Variants in DRG2 observed in about 807,000 individuals in gnomAD.
The protein encoded by DRG2 is developmentally regulated GTP binding protein 2.
Under a neutral mutation model 53.4 loss-of-function variants are expected in DRG2, and 36 were observed. That is an observed-to-expected ratio of 0.67 (90% CI 0.52 to 0.89). The LOEUF (loss-of-function observed/expected upper bound fraction) is 0.89. DRG2 is among the 40% of genes least tolerant of loss of function. DRG2 has a pLI of 0.00. For synonymous variants in DRG2, 167 were observed against 192.1 expected (o/e 0.87, Z 1.08); for missense variants, 342 against 481.2 (o/e 0.71, Z 2.71).
At position 18,093,935 on chromosome 17, in the gene DRG2, G is replaced by T; in HGVS notation, c.187G>T (p.Ala63Ser). Residue 63 changes from alanine (A) to serine (S), a missense_variant, in exon 2 of 13, where the codon GCC (alanine) becomes TCC (serine). Physicochemically the swap from Ala to Ser is moderately conservative, Grantham distance 99. Transcript: ENST00000225729. Reference sequence around the variant, plus strand: ...CTTTGATGTCATGAAGTCGGGTGATGCCCGTGTGGCGCTGATTGGATTTCC... The same window carrying T: ...CTTTGATGTCATGAAGTCGGGTGATTCCCGTGTGGCGCTGATTGGATTTCC... The part of the protein sequence containing the change: ...EGFDVMKSGD[A>S]RVALIGFPSV... 11 of 1,614,218 alleles carry T rather than the reference G, an allele frequency of 6.8e-6. No homozygotes were observed. Among genetic ancestry groups the T allele is most frequent in the Non-Finnish European group, 9.3e-6 (11 of 1,180,050 alleles).
At position 18,100,790 on chromosome 17, in the gene DRG2, C is replaced by A; in HGVS notation, c.631+131C>A. On this transcript the variant is annotated intron_variant, in intron 7 of 12. Coordinates refer to ENST00000225729, the MANE Select transcript of DRG2 (RefSeq NM_001388.5). The surrounding 1 kb of genome is among the most constrained non-coding windows in gnomAD (Gnocchi z 4.1). ...ACCCCCACTGCCCCTGCTGTCCATT[C>A]AAGTAGCCTCTGGGCAAGCTCCAGA... The A allele has an allele frequency of 2.3e-6, 2 of 869,386 alleles. No individual in the cohort carries two copies. The highest frequency in any genetic ancestry group is 1.8e-6 in the Non-Finnish European group (1 of 550,526). The allele number at this position is 869,386 out of a possible 1,614,324, so 53.9% of individuals were successfully genotyped here.
At chr17:18,088,182 G>C (rs1027807505) in intron 1 of DRG2, 95 bp downstream of exon 1, 5 of 1,416,118 alleles carry the variant, frequency 3.5e-6, no homozygotes, top group Non-Finnish European at 4.7e-6. Flanking sequence ...GCTGGGGCAA[G>C]ATCCGAGGCC....
At position 18,098,598 on chromosome 17, in the gene DRG2, G is replaced by A. The variant is rs1245510949; in HGVS notation, c.315+239G>A. 8.2e-6 allele frequency: 4 copies of A among 489,732 alleles called. No homozygotes were observed. The highest frequency in any genetic ancestry group is 3.4e-5 in the Admixed American group (1 of 29,658). The allele number at this position is 489,732 out of a possible 1,614,324, so 30.3% of individuals were successfully genotyped here. On this transcript the variant is annotated intron_variant, in intron 3 of 12. Coordinates refer to ENST00000225729, the MANE Select transcript of DRG2 (RefSeq NM_001388.5). The surrounding 1 kb of genome is among the most constrained non-coding windows in gnomAD (Gnocchi z 4.1). ...CCAGCATGTGGCTACTTTGCCTGGC[G>A]CCCCCTGTGCTCTCCTCCCCAACAC... is the stretch of plus-strand genomic sequence containing the variant.
At chr17:18,104,928 C>T (rs2045601890) in intron 11 of DRG2, among the ~76,000 whole-genome samples, 1 of 152,186 alleles carries the variant, frequency 6.6e-6, no homozygotes, top group Non-Finnish European at 1.5e-5. Context: ...CAGGAGGACA[C>T]GTTGAATGAG....
intron 1 of DRG2, among the ~76,000 whole-genome samples, 199 bp from the exon 2 acceptor site, chr17:18,093,614 G>A (rs934606088): frequency 3.9e-5 from 6 of 152,138 alleles, no homozygotes; most frequent in East Asian, 3.9e-4. Flanking sequence ...CACTGCGCCC[G>A]GTCTAAGAGA....
At chr17:18,089,963 T>C (rs1054450767) in intron 1 of DRG2, among the ~76,000 whole-genome samples, 1 of 152,090 alleles carries the variant, frequency 6.6e-6, no homozygotes, top group Non-Finnish European at 1.5e-5. Context: ...GGAGGGGCTA[T>C]TCTGACTTCT....
Position 18,100,754 on chromosome 17 carries a change from G to A in DRG2, c.631+95G>A. Reference sequence around the variant, plus strand: ...GACAGGAGGCCTCATGGAGCAGGGTGGCAGCAGGTCACCCCCACTGCCCCT... The same window carrying A: ...GACAGGAGGCCTCATGGAGCAGGGTAGCAGCAGGTCACCCCCACTGCCCCT... On this transcript the variant is annotated intron_variant, in intron 7 of 12. Transcript: ENST00000225729. The surrounding 1 kb of genome is among the most constrained non-coding windows in gnomAD (Gnocchi z 4.1). The A allele has an allele frequency of 1.6e-6, 2 of 1,274,544 alleles. No homozygotes were observed. The highest frequency in any genetic ancestry group is 1.1e-6 in the Non-Finnish European group (1 of 905,950). The allele number at this position is 1,274,544 out of a possible 1,614,324, so 79.0% of individuals were successfully genotyped here. A position where few individuals can be genotyped will look rare whatever the true frequency, so the allele number is the denominator to read the frequency against.
chr17:18,101,887 TC>T (rs1295828059), intron 8 of DRG2, 33 bp from the exon 9 acceptor site: 1 of 1,594,212 alleles, frequency 6.3e-7, no homozygotes, highest in Non-Finnish European at 8.6e-7. Context: ...CTTGCTCCTG[TC>T]CTCAGCACCG....
In DRG2 at chr17:18,098,872, CAAGGCTCAGACTTGGCCACA is replaced by C; in HGVS notation, c.316-144_316-125del. The C allele has an allele frequency of 1.2e-6, 1 of 850,452 alleles. No homozygotes were observed. Among genetic ancestry groups the C allele is most frequent in the Non-Finnish European group, 1.8e-6 (1 of 547,340 alleles). The allele number at this position is 850,452 out of a possible 1,614,324, so 52.7% of individuals were successfully genotyped here. ...GGTCTGCACTGGGCTGGGGTGGTGA[CAAGGCTCAGACTTGGCCACA>C]GGTTGGCATCTGGGTTTCCCTCAGC... On this transcript the variant is annotated intron_variant, in intron 3 of 12. Coordinates refer to ENST00000225729, the MANE Select transcript of DRG2 (RefSeq NM_001388.5). This position sits in a 1 kb window ranked among gnomAD's most constrained non-coding sequence, Gnocchi z 4.1.
At chr17:18,101,381 C>T in intron 7 of DRG2, 112 bp from the exon 8 acceptor site, 1 of 943,458 alleles carries the variant, frequency 1.1e-6, no homozygotes, top group Non-Finnish European at 1.6e-6. Context: ...CAAGCAGATA[C>T]CGCCACGGTC....
In DRG2 at chr17:18,100,622, C is replaced by T. The variant is rs768976852; in HGVS notation, c.594C>T (p.Cys198=). The T allele has an allele frequency of 5.6e-6, 9 of 1,614,188 alleles. No individual in the cohort carries two copies. The Admixed American group carries it at 1.0e-4, about 18-fold the overall frequency. Residue 198 remains cysteine, a synonymous_variant, in exon 7 of 13, where the codon TGC becomes TGT. Transcript: ENST00000225729. The surrounding 1 kb of genome is among the most constrained non-coding windows in gnomAD (Gnocchi z 4.1). The stretch of plus-strand genomic sequence containing the variant: ...ACTCGACAGTCACGCTGACCCAGTG[C>T]TCGGAAAAGCTGGTGCAGCTCATCC... ...SFNSTVTLTQ[C]SEKLVQLILH...
At chr17:18,092,879 G>A (rs1368418391) in intron 1 of DRG2, among the ~76,000 whole-genome samples, 2 of 152,166 alleles carry the variant, frequency 1.3e-5, no homozygotes, top group Admixed American at 6.5e-5. Flanking sequence ...CCATGGCAGC[G>A]TGGGATCCCA....
chr17:18,093,454 G>T (rs1030877071), intron 1 of DRG2, among the ~76,000 whole-genome samples: 2 of 152,056 alleles, frequency 1.3e-5, no homozygotes, highest in Non-Finnish European at 2.9e-5. Context: ...AAATAGTTGG[G>T]ATTACAGGCA....
intron 2 of DRG2, chr17:18,094,247 C>A: frequency 2.7e-6 from 1 of 370,702 alleles, no homozygotes; most frequent in Non-Finnish European, 5.0e-6. Context: ...ATGTGCTGGG[C>A]ACTGTGCCAG....
intron 1 of DRG2, among the ~76,000 whole-genome samples, chr17:18,091,362 G>T (rs758057939): frequency 1.3e-5 from 2 of 152,140 alleles, no homozygotes; most frequent in African/African-American, 2.4e-5. Context: ...GAGGTGGGTG[G>T]ATCACTTGAG....
chr17:18,093,678 G>T (rs2045376455), intron 1 of DRG2, 135 bp from the exon 2 acceptor site: 2 of 993,414 alleles, frequency 2.0e-6, no homozygotes, highest in Non-Finnish European at 2.9e-6. Flanking sequence ...TAAGCAGAGA[G>T]ATTTTTTTTT....
At position 18,103,486 on chromosome 17, in the gene DRG2, G is replaced by A. The variant is rs2045574870; in HGVS notation, c.807-315G>A. Among the ~76,000 whole-genome samples the A allele has an allele frequency of 6.6e-6, 1 of 152,130 alleles. No homozygotes were observed. Among genetic ancestry groups the A allele is most frequent in the South Asian group, 2.1e-4 (1 of 4,818 alleles). Reference sequence around the variant, plus strand: ...GTCAGGGTTCCTAGCCTTTGCCCATGGTCCCGTCACAGCCCCCGGCCATCT... The same window carrying A: ...GTCAGGGTTCCTAGCCTTTGCCCATAGTCCCGTCACAGCCCCCGGCCATCT... On this transcript the variant is annotated intron_variant, in intron 9 of 12. Transcript: ENST00000225729. The surrounding 1 kb of genome is among the most constrained non-coding windows in gnomAD (Gnocchi z 4.4).
At chr17:18,092,368 G>A (rs1278927280) in intron 1 of DRG2, among the ~76,000 whole-genome samples, 1 of 152,140 alleles carries the variant, frequency 6.6e-6, no homozygotes, top group Non-Finnish European at 1.5e-5. Context: ...TCAGGAGGCT[G>A]AGGCAGGAGT....
rs1292977178 is a variant in DRG2 at position 18,093,993 on chromosome 17, G to A, written c.225+20G>A. 6.2e-6 allele frequency: 10 copies of A among 1,600,626 alleles called. No individual in the cohort carries two copies. Among genetic ancestry groups the A allele is most frequent in the Non-Finnish European group, 7.7e-6 (9 of 1,170,678 alleles). On this transcript the variant is annotated intron_variant, in intron 2 of 12. Coordinates refer to ENST00000225729, the MANE Select transcript of DRG2 (RefSeq NM_001388.5). ...GGTAAGGTCAGTGATGGTCAGTGTGGGCCTCGGGGAGGAAAGCAAGAAGTC... is the reference window on the plus strand; with the variant it reads ...GGTAAGGTCAGTGATGGTCAGTGTGAGCCTCGGGGAGGAAAGCAAGAAGTC...
Sources: allele counts gnomAD v4.1 joint callset (sites outside exome capture counted in the v4.1 genomes callset), GRCh38; gene constraint gnomAD v4.1.1; non-coding constraint Gnocchi (gnomAD v3.1); transcripts MANE v1.5; gene names NCBI Gene and HGNC (gene_info 2026-07-23, HGNC 2026-07-21).